SLC14A2: variants seen among roughly 807,000 people sequenced by gnomAD.
SLC14A2 encodes solute carrier family 14 member 2.
Under a neutral mutation model 104.6 loss-of-function variants are expected in SLC14A2, and 91 were observed. The observed-to-expected ratio is 0.87, with a 90% confidence interval of 0.73 to 1.04. SLC14A2 has a LOEUF of 1.04. Ranked by LOEUF, SLC14A2 falls within the 50% of genes least tolerant of loss-of-function variation. The pLI is 0.00. For missense variants in SLC14A2, 1,189 were observed against 1,156.0 expected (o/e 1.03, Z -0.41); for synonymous variants, 476 against 466.4 (o/e 1.02, Z -0.27).
At chr18:45,514,528 A>C (rs2043410562) in intron 2 of SLC14A2, among the ~76,000 whole-genome samples, 1 of 152,172 alleles carries the variant, frequency 6.6e-6, no homozygotes, top group African/African-American at 2.4e-5. Context: ...AATCACTTAA[A>C]ACTGGCCTTG....
At chr18:45,389,978 C>T (rs1010341302) in intron 1 of SLC14A2, among the ~76,000 whole-genome samples, 1 of 152,170 alleles carries the variant, frequency 6.6e-6, no homozygotes, top group African/African-American at 2.4e-5. Context: ...AGAATGAAAC[C>T]TAAAACTGCT....
the SLC14A2 span, among the ~76,000 whole-genome samples, chr18:45,201,375 A>G: frequency 3.9e-5 from 6 of 151,970 alleles, no homozygotes; most frequent in Non-Finnish European, 8.8e-5. Context: ...TGAATGGGAG[A>G]TTTGACTATT....
At chr18:45,338,118 C>A (rs1234507398) in intron 1 of SLC14A2, among the ~76,000 whole-genome samples, 9 of 152,176 alleles carry the variant, frequency 5.9e-5, no homozygotes, top group Admixed American at 5.9e-4. Flanking sequence ...AATTGCCAGT[C>A]AGAAAATCTT....
At chr18:45,591,619 G>GCCAC (rs1367986746) in intron 2 of SLC14A2, among the ~76,000 whole-genome samples, 1 of 152,120 alleles carries the variant, frequency 6.6e-6, no homozygotes, top group Non-Finnish European at 1.5e-5. Context: ...ACAGGCATGA[G>GCCAC]CCACCACGCC....
At chr18:45,624,868 G>T (rs540533237) in intron 2 of SLC14A2, 54 bp downstream of exon 2, 2 of 1,539,120 alleles carry the variant, frequency 1.3e-6, no homozygotes, top group Non-Finnish European at 1.8e-6. Flanking sequence ...TGGGAAAAGT[G>T]GGGGCAAAAG....
At chr18:45,177,481 T>C in the SLC14A2 span, among the ~76,000 whole-genome samples, 1 of 152,210 alleles carries the variant, frequency 6.6e-6, no homozygotes, top group South Asian at 2.1e-4. Flanking sequence ...CTCCCTTTTA[T>C]ACATCGTGTT....
At chr18:45,662,754 G>A (rs972949917) in intron 10 of SLC14A2, among the ~76,000 whole-genome samples, 16 of 152,274 alleles carry the variant, frequency 1.1e-4, no homozygotes. Flanking sequence ...GTAATAGTGT[G>A]AATGTTTTCT....
chr18:45,423,403 C>A (rs929734889), intron 1 of SLC14A2, among the ~76,000 whole-genome samples: 2 of 152,168 alleles, frequency 1.3e-5, no homozygotes, highest in African/African-American at 4.8e-5. Context: ...TTGCTCAGGA[C>A]CCCCTGTGTG....
At chr18:45,504,306 G>A (rs1313819773) in intron 2 of SLC14A2, among the ~76,000 whole-genome samples, 1 of 152,192 alleles carries the variant, frequency 6.6e-6, no homozygotes, top group African/African-American at 2.4e-5. Flanking sequence ...AGCCCACAGT[G>A]TCCCCTTAAG....
chr18:45,557,112 T>C (rs1343119331), intron 2 of SLC14A2, among the ~76,000 whole-genome samples: 1 of 152,220 alleles, frequency 6.6e-6, no homozygotes, highest in Non-Finnish European at 1.5e-5. Context: ...AGTTCTCAGG[T>C]ATTTGGAAGC....
intron 1 of SLC14A2, among the ~76,000 whole-genome samples, chr18:45,388,755 T>C (rs1444896168): frequency 3.3e-5 from 5 of 152,064 alleles, no homozygotes; most frequent in African/African-American, 9.7e-5. Flanking sequence ...AGGTACAAAC[T>C]CTTCACAAGC....
chr18:45,625,773 C>G lies in SLC14A2; in HGVS notation c.241C>G (p.Arg81Gly), dbSNP rs1462386004. 7 of 1,558,978 alleles carry G rather than the reference C, an allele frequency of 4.5e-6. No homozygotes were observed. The Admixed American group carries it at 1.0e-4, about 23-fold the overall frequency. The change falls in exon 3 of 20, where the codon CGG (arginine) becomes GGG (glycine). Residue 81 changes from arginine (R) to glycine (G), a missense_variant. By Grantham distance (125) the Arg-to-Gly change is moderately radical. Transcript: ENST00000255226. The stretch of plus-strand genomic sequence containing the variant: ...AAGGAAAGACGACGGGGTGGCCCAT[C>G]GGGACTCAGCAGGCCAAAGGTGCAT... ...SKRKDDGVAH[R>G]DSAGQRCICL...
At chr18:45,633,237 T>C (rs574378800) in intron 5 of SLC14A2, among the ~76,000 whole-genome samples, 1 of 152,314 alleles carries the variant, frequency 6.6e-6, no homozygotes, top group African/African-American at 2.4e-5. Flanking sequence ...GCATTCCAAA[T>C]CCAATCTGCA....
rs1173699098 is a variant in SLC14A2, at chr18:45,580,608, G to T, written c.-34-44023G>T. Among the ~76,000 whole-genome samples the T allele has an allele frequency of 4.6e-5, 7 of 152,306 alleles. No homozygotes were observed. In the East Asian group the frequency reaches 1.4e-3, roughly 29 times the overall value. On this transcript the variant is annotated intron_variant, in intron 2 of 20. Coordinates refer to the SLC14A2 transcript ENST00000586448. The stretch of plus-strand genomic sequence containing the variant: ...AGTTCTCAGTTATGGCTTAGCATAT[G>T]CCAGCCCTCATTCTGGCTGTTTTGC...
At chr18:45,197,801 A>G in the SLC14A2 span, among the ~76,000 whole-genome samples, 2 of 152,320 alleles carry the variant, frequency 1.3e-5, no homozygotes, top group South Asian at 4.1e-4. Context: ...GTTTGGGGAA[A>G]TTATTCAGAG....
intron 2 of SLC14A2, among the ~76,000 whole-genome samples, chr18:45,580,703 T>G (rs968565272): frequency 6.6e-6 from 1 of 151,914 alleles, no homozygotes; most frequent in African/African-American, 2.4e-5. Context: ...ATTTTAAAGA[T>G]GAAAAAATGG....
At chr18:45,262,622 A>G (rs2084551168) in intron 1 of SLC14A2, among the ~76,000 whole-genome samples, 1 of 152,204 alleles carries the variant, frequency 6.6e-6, no homozygotes. Context: ...GTGAAGCTAG[A>G]ACCCGATAAA....
intron 2 of SLC14A2, among the ~76,000 whole-genome samples, chr18:45,516,784 A>G (rs1362839): frequency 0.25 from 38,563 of 152,180 alleles, 5,731 homozygotes; most frequent in African/African-American, 0.41. Context: ...AAGTACAAGC[A>G]TTGGCTCCAA....
intron 1 of SLC14A2, among the ~76,000 whole-genome samples, chr18:45,222,528 G>C (rs1326867445): frequency 6.6e-6 from 1 of 152,114 alleles, no homozygotes; most frequent in East Asian, 1.9e-4. Flanking sequence ...CAGAGAAGTG[G>C]GATTTCAACT....
Sources: gnomAD v4.1 joint callset for allele counts (sites outside exome capture counted in the v4.1 genomes callset) on GRCh38, gnomAD v4.1.1 for gene constraint, MANE v1.5 for transcripts, NCBI Gene and HGNC (gene_info 2026-07-23, HGNC 2026-07-21) for gene names.